RIMBP2: variants seen among roughly 807,000 people sequenced by gnomAD.
RIMBP2 encodes the protein RIMS binding protein 2.
Under a neutral mutation model 118.6 loss-of-function variants are expected in RIMBP2, and 48 were observed. The ratio of observed to expected loss-of-function variants is 0.40; its 90% CI spans 0.32 to 0.51. RIMBP2 has a LOEUF of 0.51. Among genes scored for constraint, RIMBP2 ranks in the 20% least tolerant of loss-of-function variants. The pLI is 0.41. For synonymous variants in RIMBP2, 762 were observed against 742.9 expected, an observed-to-expected ratio of 1.03 and a Z score of -0.42; for missense variants, 1,551 against 1,768.3, an observed-to-expected ratio of 0.88 and a Z score of 2.20.
chr12:130,560,438 C>T (rs963762830), intron 2 of RIMBP2, among the ~76,000 whole-genome samples: 1 of 152,054 alleles, frequency 6.6e-6, no homozygotes, highest in African/African-American at 2.4e-5. Context: ...CCCTGGCCTC[C>T]ACCCACTGGA....
At chr12:130,532,369 A>C (rs1256780838) in intron 2 of RIMBP2, among the ~76,000 whole-genome samples, 4 of 149,726 alleles carry the variant, frequency 2.7e-5, no homozygotes, top group African/African-American at 7.5e-5. Context: ...TCTAGGAGTT[A>C]CGTCTAATGA....
intron 19 of RIMBP2, among the ~76,000 whole-genome samples, chr12:130,409,632 T>C (rs887823428): frequency 1.3e-5 from 2 of 152,128 alleles, no homozygotes; most frequent in African/African-American, 4.8e-5. Flanking sequence ...CGTGAGCCAC[T>C]GCGCCCGGCC....
chr12:130,680,782 C>G (rs1379858347), intron 1 of RIMBP2, among the ~76,000 whole-genome samples: 1 of 152,240 alleles, frequency 6.6e-6, no homozygotes, highest in East Asian at 1.9e-4. Flanking sequence ...GGCAGCCCGG[C>G]CCCGTGGCAG....
Position 130,608,106 on chromosome 12 carries a change from T to C in RIMBP2, c.-217+20216A>G, listed in dbSNP as rs116085150. Among the ~76,000 whole-genome samples the C allele has an allele frequency of 8.3e-3, 1,268 of 152,332 alleles. 16 individuals are homozygous for C. The highest frequency in any genetic ancestry group is 0.029 in the African/African-American group (1,199 of 41,570). On this transcript the variant is annotated intron_variant, in intron 2 of 22. Transcript: ENST00000690449. The stretch of plus-strand genomic sequence containing the variant: ...GACAGCGCTTCCAGTCAACCTTCCA[T>C]GTCTGACCTCCCAGCCCCTGCCTGG...
At chr12:130,632,265 C>T (rs2062037984) in intron 1 of RIMBP2, among the ~76,000 whole-genome samples, 2 of 152,244 alleles carry the variant, frequency 1.3e-5, no homozygotes, top group South Asian at 4.1e-4. Context: ...ACCCCCAAAT[C>T]CTTACCTCCA....
intron 2 of RIMBP2, among the ~76,000 whole-genome samples, chr12:130,594,050 T>C (rs1480413321): frequency 6.6e-6 from 1 of 152,236 alleles, no homozygotes; most frequent in Non-Finnish European, 1.5e-5. Flanking sequence ...ACACCAATAA[T>C]TTCCTTTTAC....
chr12:130,422,480 A>G lies in RIMBP2; in HGVS notation c.3211T>C (p.Ser1071Pro). Reference sequence around the variant, plus strand: ...ATGGATGGGACTGTCACGGGCCGGGACCTCTGAGGACCAGCGCTGCCACGG... The same window carrying G: ...ATGGATGGGACTGTCACGGGCCGGGGCCTCTGAGGACCAGCGCTGCCACGG... Reference protein sequence around the residue: ...FPRGSAGPQRSRPVTVPSIDD... With the variant: ...FPRGSAGPQRPRPVTVPSIDD... Residue 1071 changes from serine (S) to proline (P), a missense_variant, in exon 17 of 23, where the codon TCC becomes CCC. Physicochemically the swap from Ser to Pro is moderately conservative, Grantham distance 74. Transcript: ENST00000690449. This position sits in a 1 kb window ranked among gnomAD's most constrained non-coding sequence, Gnocchi z 5.2. 6.2e-7 allele frequency: 1 copy of G among 1,612,428 alleles called. No individual in the cohort carries two copies. Among genetic ancestry groups the G allele is most frequent in the South Asian group, 1.1e-5 (1 of 90,862 alleles).
chr12:130,694,927 ACCCAGTG>A (rs891968965), intron 1 of RIMBP2, among the ~76,000 whole-genome samples: 6 of 152,044 alleles, frequency 3.9e-5, no homozygotes, highest in Non-Finnish European at 7.4e-5. Flanking sequence ...CACAAACAGA[ACCCAGTG>A]CCTGAGCTGT....
intron 4 of RIMBP2, 79 bp downstream of exon 4, chr12:130,506,569 C>G: frequency 1.0e-6 from 1 of 955,580 alleles, no homozygotes; most frequent in Non-Finnish European, 1.2e-6. Context: ...ACCTTCTGCT[C>G]GGGGTCCTGC....
intron 1 of RIMBP2, among the ~76,000 whole-genome samples, chr12:130,708,775 G>A (rs1354055578): frequency 6.6e-6 from 1 of 152,176 alleles, no homozygotes; most frequent in East Asian, 1.9e-4. Context: ...AGGCTCGCGT[G>A]GGCCCTGGAC....
rs536568323 is a variant in RIMBP2 at position 130,643,353 on chromosome 12, C to T, written c.-351-14897G>A. ...GTCAGGGAGAGGTGAGCCCCACAAG[C>T]GACCAGCAGGAGAGGATGAAGGGCA... On this transcript the variant is annotated intron_variant, in intron 1 of 22. Coordinates refer to ENST00000690449, the MANE Select transcript of RIMBP2 (RefSeq NM_001393629.1). 2.6e-5 allele frequency among the ~76,000 whole-genome samples: 4 copies of T among 152,258 alleles called. No individual in the cohort carries two copies. In the South Asian group the frequency reaches 6.2e-4, roughly 24 times the overall value.
rs148801920 is a variant in RIMBP2 at position 130,581,671 on chromosome 12, C to T, written c.-217+46651G>A. 2.1e-4 allele frequency among the ~76,000 whole-genome samples: 32 copies of T among 152,306 alleles called. No homozygotes were observed. The highest frequency in any genetic ancestry group is 1.5e-3 in the Admixed American group (23 of 15,300). On this transcript the variant is annotated intron_variant, in intron 2 of 22. Coordinates refer to ENST00000690449, the MANE Select transcript of RIMBP2 (RefSeq NM_001393629.1). This position sits in a 1 kb window ranked among gnomAD's most constrained non-coding sequence, Gnocchi z 4.4. ...CTCTGACTTCAGGACATACCCGGAA[C>T]GTAAGTACTTTCTCCACAGCTACTG...
chr12:130,402,712 G>T (rs1383251148), intron 21 of RIMBP2, among the ~76,000 whole-genome samples: 1 of 152,178 alleles, frequency 6.6e-6, no homozygotes, highest in Non-Finnish European at 1.5e-5. Context: ...AGGCTGAAAG[G>T]CAGAAAACAC....
chr12:130,643,099 T>C (rs974943918), intron 1 of RIMBP2, among the ~76,000 whole-genome samples: 1 of 152,214 alleles, frequency 6.6e-6, no homozygotes, highest in East Asian at 1.9e-4. Context: ...CTGGCTGTGC[T>C]TACACGAAGT....
At chr12:130,439,376 G>GGT (rs959418253) in intron 11 of RIMBP2, among the ~76,000 whole-genome samples, 1 of 150,312 alleles carries the variant, frequency 6.7e-6, no homozygotes, top group East Asian at 2.0e-4. Context: ...TGTGTATGTG[G>GGT]GTGTGTGTAT....
chr12:130,661,769 C>T (rs554656653), intron 1 of RIMBP2, among the ~76,000 whole-genome samples: 143 of 152,282 alleles, frequency 9.4e-4, no homozygotes, highest in Non-Finnish European at 1.8e-3. Context: ...GCAATAACTA[C>T]GGTCAGTGAA....
At chr12:130,457,647 C>T (rs1164584877) in intron 6 of RIMBP2, among the ~76,000 whole-genome samples, 2 of 152,246 alleles carry the variant, frequency 1.3e-5, no homozygotes, top group African/African-American at 2.4e-5. Context: ...CTGACCGCCC[C>T]CCGGCACTGC....
At chr12:130,530,680 C>T (rs2053277813) in intron 2 of RIMBP2, among the ~76,000 whole-genome samples, 1 of 152,158 alleles carries the variant, frequency 6.6e-6, no homozygotes, top group South Asian at 2.1e-4. Flanking sequence ...AATGACAAAG[C>T]AATGAAAAAT....
At chr12:130,604,600 T>TTTTTTTTTTTTG (rs2060068953) in intron 2 of RIMBP2, among the ~76,000 whole-genome samples, 1 of 72,184 alleles carries the variant, frequency 1.4e-5, no homozygotes, top group African/African-American at 5.3e-5. Flanking sequence ...TTTTTTTTTT[T>TTTTTTTTTTTTG]TGAGACAGAG....
Sources: gnomAD v4.1 joint callset for allele counts (sites outside exome capture counted in the v4.1 genomes callset) on GRCh38, gnomAD v4.1.1 for gene constraint, Gnocchi (gnomAD v3.1) non-coding constraint, MANE v1.5 for transcripts, NCBI Gene and HGNC (gene_info 2026-07-23, HGNC 2026-07-21) for gene names.